Variants in PRKD1 observed in about 807,000 individuals in gnomAD.
PRKD1 encodes serine/threonine-protein kinase D1.
PRKD1 carries 63 observed loss-of-function variants against 95.9 expected under a neutral mutation model. The ratio of observed to expected loss-of-function variants is 0.66; its 90% CI spans 0.54 to 0.81. The LOEUF is 0.81. Among genes scored for constraint, PRKD1 ranks in the 30% least tolerant of loss-of-function variants. The pLI is 0.00. For synonymous variants in PRKD1, 425 were observed against 423.1 expected (o/e 1.00, Z -0.05); for missense variants, 1,048 against 1,165.3 (o/e 0.90, Z 1.47).
At chr14:29,926,907 G>A (rs1341779629) in intron 1 of PRKD1, among the ~76,000 whole-genome samples, 2 of 152,042 alleles carry the variant, frequency 1.3e-5, no homozygotes, top group Non-Finnish European at 1.5e-5. Context: ...GGAGAGAGGG[G>A]AAGAAAACTG....
At chr14:29,675,553 T>C (rs1301932016) in intron 2 of PRKD1, among the ~76,000 whole-genome samples, 1 of 152,198 alleles carries the variant, frequency 6.6e-6, no homozygotes, top group Non-Finnish European at 1.5e-5. Flanking sequence ...AGTTCAACCA[T>C]TGTGGAAGAC....
At chr14:29,779,945 C>T (rs1182875937) in intron 1 of PRKD1, among the ~76,000 whole-genome samples, 1 of 151,960 alleles carries the variant, frequency 6.6e-6, no homozygotes, top group African/African-American at 2.4e-5. Flanking sequence ...CAGATATATA[C>T]ACCAATGGAA....
intron 2 of PRKD1, among the ~76,000 whole-genome samples, chr14:29,724,242 G>C (rs986063303): frequency 1.3e-5 from 2 of 152,112 alleles, no homozygotes; most frequent in Non-Finnish European, 2.9e-5. Context: ...AATTTTAAAA[G>C]TCCTCATATA....
chr14:29,663,908 G>A (rs779284728), intron 3 of PRKD1, 49 bp from the exon 4 acceptor site: 5 of 1,560,888 alleles, frequency 3.2e-6, no homozygotes, highest in Non-Finnish European at 4.4e-6. Flanking sequence ...AAATTAAAAA[G>A]TGATTCCAAT....
At chr14:29,711,870 T>A (rs925633139) in intron 2 of PRKD1, among the ~76,000 whole-genome samples, 2 of 152,162 alleles carry the variant, frequency 1.3e-5, no homozygotes, top group African/African-American at 2.4e-5. Flanking sequence ...AGAAAGCAAA[T>A]AATTGTTTAC....
intron 4 of PRKD1, among the ~76,000 whole-genome samples, chr14:29,656,253 T>C (rs1054641860): frequency 2.6e-5 from 4 of 152,218 alleles, no homozygotes; most frequent in South Asian, 2.1e-4. Flanking sequence ...AATGACTTCA[T>C]TGCTTTTTGG....
intron 1 of PRKD1, among the ~76,000 whole-genome samples, chr14:29,815,995 G>A (rs757766347): frequency 5.9e-5 from 9 of 152,206 alleles, no homozygotes; most frequent in South Asian, 2.1e-4. Flanking sequence ...CGAGGTGGGC[G>A]GATCACAAAG....
rs543144612 is a variant in PRKD1 at position 29,702,138 on chromosome 14, C to T, written c.403+23398G>A. On this transcript the variant is annotated intron_variant, in intron 2 of 17. Coordinates refer to ENST00000331968, the MANE Select transcript of PRKD1 (RefSeq NM_002742.3). ...AATCCAAGAATGTATCACAGTTTTC[C>T]TCTAGAAGTATGGATGTTTCTAAGG... Among the ~76,000 whole-genome samples the T allele has an allele frequency of 5.3e-5, 8 of 152,178 alleles. No individual in the cohort carries two copies. The South Asian group carries it at 1.2e-3, about 24-fold the overall frequency.
At chr14:29,699,770 G>A (rs1884732281) in intron 2 of PRKD1, among the ~76,000 whole-genome samples, 1 of 151,914 alleles carries the variant, frequency 6.6e-6, no homozygotes, top group African/African-American at 2.4e-5. Flanking sequence ...CCCCACCTAT[G>A]GTATAACACA....
chr14:29,668,732 T>C (rs778870630), intron 2 of PRKD1, among the ~76,000 whole-genome samples: 113 of 152,208 alleles, frequency 7.4e-4, no homozygotes, highest in Non-Finnish European at 1.5e-3. Flanking sequence ...CGACAGATCT[T>C]CCAAGATTTT....
intron 1 of PRKD1, among the ~76,000 whole-genome samples, chr14:29,810,924 T>A (rs1179387078): frequency 6.6e-6 from 1 of 152,232 alleles, no homozygotes; most frequent in Admixed American, 6.5e-5. Flanking sequence ...TTCCACCACA[T>A]ATTTATATCA....
chr14:29,796,472 T>G (rs1889820213), intron 1 of PRKD1, among the ~76,000 whole-genome samples: 1 of 152,156 alleles, frequency 6.6e-6, no homozygotes, highest in African/African-American at 2.4e-5. Context: ...TGAAGAAATG[T>G]CTGGAGTAAT....
intron 1 of PRKD1, among the ~76,000 whole-genome samples, chr14:29,899,697 A>T (rs1274641626): frequency 6.6e-6 from 1 of 152,226 alleles, no homozygotes; most frequent in Non-Finnish European, 1.5e-5. Context: ...TTGCCCATAT[A>T]GACCTTAAAT....
chr14:29,761,973 T>C (rs1178192554), intron 1 of PRKD1, among the ~76,000 whole-genome samples: 1 of 151,982 alleles, frequency 6.6e-6, no homozygotes, highest in African/African-American at 2.4e-5. Flanking sequence ...GGTCTCACTA[T>C]GTTCCCCAGG....
chr14:29,624,481 G>C (rs1303627538), intron 12 of PRKD1, among the ~76,000 whole-genome samples: 1 of 151,694 alleles, frequency 6.6e-6, no homozygotes, highest in Admixed American at 6.6e-5. Context: ...AAAAGAATTG[G>C]GGCATTAAAA....
rs755393410 is a variant in PRKD1, at chr14:29,636,478, C to T, written c.1002G>A (p.Gly334=). Residue 334 remains glycine, a synonymous_variant, in exon 7 of 18, where the codon GGG becomes GGA. Coordinates refer to ENST00000331968, the MANE Select transcript of PRKD1 (RefSeq NM_002742.3). Reference sequence around the variant, plus strand: ...CTTCCATGACCACATCAGACTCTGCCCCAGGGCTAAGCAAATCTAGAAAAT... The same window carrying T: ...CTTCCATGACCACATCAGACTCTGCTCCAGGGCTAAGCAAATCTAGAAAAT... ...VTINGDLLSP[G]AESDVVMEEG... 7 of 1,613,926 alleles carry T rather than the reference C, an allele frequency of 4.3e-6. No homozygotes were observed. The East Asian group carries it at 1.3e-4, about 31-fold the overall frequency.
chr14:29,736,149 C>G (rs1393661040), intron 1 of PRKD1, among the ~76,000 whole-genome samples: 1 of 152,148 alleles, frequency 6.6e-6, no homozygotes, highest in African/African-American at 2.4e-5. Flanking sequence ...CACATGTGAA[C>G]GTGGAGACCT....
At chr14:29,627,092 C>T (rs757198887) in intron 11 of PRKD1, among the ~76,000 whole-genome samples, 2 of 152,168 alleles carry the variant, frequency 1.3e-5, no homozygotes, top group Admixed American at 6.5e-5. Context: ...GGTTTTCTAA[C>T]GTGCTAGCAC....
chr14:29,760,171 C>T (rs1056589877), intron 1 of PRKD1, among the ~76,000 whole-genome samples: 57 of 152,050 alleles, frequency 3.7e-4, no homozygotes, highest in Admixed American at 4.6e-4. Flanking sequence ...TCTAAATTCC[C>T]TTTTACTCAT....
Sources: gnomAD v4.1 joint callset for allele counts (sites outside exome capture counted in the v4.1 genomes callset) on GRCh38, gnomAD v4.1.1 for gene constraint, MANE v1.5 for transcripts, NCBI Gene and HGNC (gene_info 2026-07-23, HGNC 2026-07-21) for gene names.